Variants in NAV3 observed in about 807,000 individuals in gnomAD.
NAV3 encodes neuron navigator 3.
A neutral mutation model predicts 244.7 loss-of-function variants in NAV3; 87 were observed. The ratio of observed to expected loss-of-function variants is 0.36; its 90% CI spans 0.30 to 0.42. The LOEUF (loss-of-function observed/expected upper bound fraction) is 0.42. Among genes scored for constraint, NAV3 ranks in the 20% least tolerant of loss-of-function variants. The probability of loss-of-function intolerance (pLI) is 1.00; values close to 1 mark genes in which losing one functional copy is unlikely to be tolerated. For missense variants in NAV3, 2,663 were observed against 2,893.3 expected (o/e 0.92, Z 1.83); for synonymous variants, 1,126 against 1,042.2 (o/e 1.08, Z -1.55).
intron 1 of NAV3, among the ~76,000 whole-genome samples, chr12:77,928,999 T>C (rs1272047037): frequency 6.6e-6 from 1 of 152,204 alleles, no homozygotes; most frequent in South Asian, 2.1e-4. Context: ...TCTGGCTTTA[T>C]GGTCAAAAGA....
At chr12:77,973,353 A>G (rs144638150) in intron 5 of NAV3, among the ~76,000 whole-genome samples, 196 of 152,240 alleles carry the variant, frequency 1.3e-3, no homozygotes, top group Admixed American at 2.0e-3. Flanking sequence ...GTGGTGATAA[A>G]TCTTTCTGAA....
chr12:78,037,420 G>T (rs1593348628), intron 9 of NAV3: 1 of 660,952 alleles, frequency 1.5e-6, no homozygotes, highest in Non-Finnish European at 2.8e-6. Flanking sequence ...ACGTGTATGG[G>T]ATCTTAAGAA....
intron 1 of NAV3, among the ~76,000 whole-genome samples, chr12:77,938,678 A>G (rs1889564717): frequency 6.6e-6 from 1 of 152,120 alleles, no homozygotes; most frequent in Non-Finnish European, 1.5e-5. Flanking sequence ...TTGACATATA[A>G]CAATACTAGC....
rs570104090 is a variant in NAV3, at chr12:77,608,780, T to G, written c.72+36514T>G. On this transcript the variant is annotated intron_variant, in intron 2 of 8. Transcript: ENST00000550042. ...CCCTTTGAAAATCTTGGCTGTATTTTTTTCTGGCATGCAGTGTGACACAGG... is the reference window on the plus strand; with the variant it reads ...CCCTTTGAAAATCTTGGCTGTATTTGTTTCTGGCATGCAGTGTGACACAGG... 3.3e-5 allele frequency among the ~76,000 whole-genome samples: 5 copies of G among 152,138 alleles called. No homozygotes were observed. In the East Asian group the frequency reaches 9.7e-4, roughly 30 times the overall value.
intron 12 of NAV3, among the ~76,000 whole-genome samples, chr12:78,113,117 C>T (rs117926728): frequency 3.2e-3 from 492 of 152,332 alleles, no homozygotes; most frequent in Non-Finnish European, 5.2e-3. Flanking sequence ...GGTGGGCTCC[C>T]ACAGCTTTGG....
At chr12:78,055,583 T>C (rs1188771256) in intron 11 of NAV3, among the ~76,000 whole-genome samples, 1 of 152,216 alleles carries the variant, frequency 6.6e-6, no homozygotes, top group African/African-American at 2.4e-5. Flanking sequence ...CTCCATGTAG[T>C]CATTCAGAGA....
intron 12 of NAV3, among the ~76,000 whole-genome samples, chr12:78,112,672 G>C (rs1180225673): frequency 6.6e-6 from 1 of 152,072 alleles, no homozygotes; most frequent in Non-Finnish European, 1.5e-5. Context: ...AACACATGGG[G>C]CTTATGGGAA....
At chr12:77,827,329 G>A (rs1451206190), upstream of NAV3, among the ~76,000 whole-genome samples, 1 of 150,050 alleles carries the variant, frequency 6.7e-6, no homozygotes, top group Non-Finnish European at 1.5e-5. Context: ...TTTCCTTTCA[G>A]CAAGCATGAT....
intron 5 of NAV3, among the ~76,000 whole-genome samples, chr12:77,994,171 G>A (rs1156345371): frequency 1.1e-4 from 16 of 152,200 alleles, no homozygotes; most frequent in Non-Finnish European, 2.4e-4. Flanking sequence ...TTGTTAAGTT[G>A]TTTATGAAGA....
chr12:77,783,082 C>A (rs1870743969), intron 2 of NAV3, among the ~76,000 whole-genome samples: 1 of 151,262 alleles, frequency 6.6e-6, no homozygotes, highest in Admixed American at 6.6e-5. Flanking sequence ...TCATTTGTAC[C>A]ATCAACTGTA....
chr12:78,076,861 C>A (rs1050719739), intron 12 of NAV3, among the ~76,000 whole-genome samples: 4 of 152,076 alleles, frequency 2.6e-5, no homozygotes, highest in Non-Finnish European at 5.9e-5. Flanking sequence ...GGCTTTCTAG[C>A]TTGTGGTAAT....
Position 77,905,140 on chromosome 12 carries a change from T to C in NAV3, c.244-35179T>C, listed in dbSNP as rs1017318526. On this transcript the variant is annotated intron_variant, in intron 1 of 39. Transcript: ENST00000397909. The stretch of plus-strand genomic sequence containing the variant: ...TTTTGTCATACAAAAATGGTAACAA[T>C]GTCTTCAGGGATCTGGGGCTTTTCT... Among the ~76,000 whole-genome samples, 8 of 152,264 alleles carry C rather than the reference T, an allele frequency of 5.3e-5. No individual in the cohort carries two copies. In the East Asian group the frequency reaches 1.5e-3, roughly 29 times the overall value.
intron 21 of NAV3, among the ~76,000 whole-genome samples, chr12:78,147,602 A>T (rs2139204822): frequency 7.5e-6 from 1 of 133,894 alleles, no homozygotes; most frequent in East Asian, 2.0e-4. Flanking sequence ...ACTGGGGTGT[A>T]TCTGTTCCGG....
intron 23 of NAV3, among the ~76,000 whole-genome samples, chr12:78,163,413 A>G (rs1209980413): frequency 6.6e-6 from 1 of 152,044 alleles, no homozygotes; most frequent in Non-Finnish European, 1.5e-5. Context: ...GCAGAAAATT[A>G]TCATGCTATT....
chr12:77,684,385 C>G (rs1377411233), intron 2 of NAV3, among the ~76,000 whole-genome samples: 1 of 152,042 alleles, frequency 6.6e-6, no homozygotes, highest in African/African-American at 2.4e-5. Flanking sequence ...CTCTCTGTCT[C>G]TCTCTCTTTC....
In NAV3 at chr12:78,169,554, C is replaced by A. The variant is rs765383809; in HGVS notation, c.4981+688C>A. Reference sequence around the variant, plus strand: ...CTCATTTCCTGACACTTTTCAATGGCCTTCAGTGAGCTCAGCTCTTTCCCA... The same window carrying A: ...CTCATTTCCTGACACTTTTCAATGGACTTCAGTGAGCTCAGCTCTTTCCCA... On this transcript the variant is annotated intron_variant, in intron 24 of 39. Coordinates refer to ENST00000397909, the MANE Select transcript of NAV3 (RefSeq NM_001024383.2). 4.6e-5 allele frequency among the ~76,000 whole-genome samples: 7 copies of A among 151,760 alleles called. No homozygotes were observed. In the East Asian group the frequency reaches 1.2e-3, roughly 25 times the overall value.
chr12:77,997,621 T>A (rs946360919), intron 6 of NAV3, among the ~76,000 whole-genome samples: 45 of 152,242 alleles, frequency 3.0e-4, no homozygotes, highest in African/African-American at 1.1e-3. Context: ...CTAACAGTGA[T>A]TTTCTTCTGA....
intron 1 of NAV3, among the ~76,000 whole-genome samples, chr12:77,870,376 A>G (rs1165767935): frequency 6.6e-6 from 1 of 151,904 alleles, no homozygotes; most frequent in African/African-American, 2.4e-5. Flanking sequence ...AAAAAAAAAA[A>G]AAAAGAAAAG....
At chr12:77,994,924 C>T (rs1872101305) in intron 6 of NAV3, 53 bp downstream of exon 6, 6 of 1,274,264 alleles carry the variant, frequency 4.7e-6, no homozygotes, top group East Asian at 2.4e-5. Flanking sequence ...AAATAAATAC[C>T]CAGTGATATT....
Sources: gnomAD v4.1 joint callset for allele counts (sites outside exome capture counted in the v4.1 genomes callset) on GRCh38, gnomAD v4.1.1 for gene constraint, MANE v1.5 for transcripts, NCBI Gene and HGNC (gene_info 2026-07-23, HGNC 2026-07-21) for gene names.